The following OSBP2 variants were observed in gnomAD, a reference collection of about 807,000 sequenced individuals.
OSBP2 encodes the protein oxysterol binding protein 2, also known as oxysterol-binding protein 2.
A neutral mutation model predicts 96.0 loss-of-function variants in OSBP2; 66 were observed. That is an observed-to-expected ratio of 0.69 (90% CI 0.56 to 0.84). The LOEUF is 0.84. Among genes scored for constraint, OSBP2 ranks in the 40% least tolerant of loss-of-function variants. The pLI, the probability that OSBP2 is intolerant of heterozygous loss-of-function variation, is 0.00. For missense variants in OSBP2, 1,038 were observed against 1,222.7 expected, an observed-to-expected ratio of 0.85 and a Z score of 2.25; for synonymous variants, 525 against 520.9, an observed-to-expected ratio of 1.01 and a Z score of -0.11.
chr22:30,876,633 C>A (rs1380719251), intron 3 of OSBP2, among the ~76,000 whole-genome samples: 1 of 152,246 alleles, frequency 6.6e-6, no homozygotes, highest in Non-Finnish European at 1.5e-5. Flanking sequence ...TCCCCCAACA[C>A]CCATGCCCCA....
chr22:30,853,852 G>A (rs554188442), intron 2 of OSBP2, among the ~76,000 whole-genome samples: 4 of 150,884 alleles, frequency 2.7e-5, no homozygotes, highest in South Asian at 2.1e-4. Context: ...CTGCCTCCTC[G>A]GGGTTCAAGC....
At chr22:30,804,891 A>ATTCTGTC (rs2090906036) in intron 2 of OSBP2, among the ~76,000 whole-genome samples, 3 of 152,264 alleles carry the variant, frequency 2.0e-5, no homozygotes, top group African/African-American at 7.2e-5. Flanking sequence ...TGGCAGGGCA[A>ATTCTGTC]CTAAGCAGTA....
chr22:30,725,684 C>T lies in OSBP2; in HGVS notation c.645-15477C>T, dbSNP rs1052782103. Among the ~76,000 whole-genome samples, 25 of 152,048 alleles carry T rather than the reference C, an allele frequency of 1.6e-4. 4 individuals carry two copies. Among genetic ancestry groups the T allele is most frequent in the Admixed American group, 1.5e-3 (23 of 15,246 alleles). Reference sequence around the variant, plus strand: ...GTAAAATGGGGCTAATTTCCTCCAACAAGTACCTGACATATGGAATATACT... The same window carrying T: ...GTAAAATGGGGCTAATTTCCTCCAATAAGTACCTGACATATGGAATATACT... On this transcript the variant is annotated intron_variant, in intron 1 of 13. Transcript: ENST00000332585.
At chr22:30,778,157 G>A (rs929255140) in intron 2 of OSBP2, among the ~76,000 whole-genome samples, 1 of 103,638 alleles carries the variant, frequency 9.6e-6, no homozygotes, top group African/African-American at 3.8e-5. Context: ...AGCATGCCCG[G>A]CTAATTTTTG....
At chr22:30,749,571 G>A (rs1352709465) in intron 2 of OSBP2, among the ~76,000 whole-genome samples, 1 of 152,084 alleles carries the variant, frequency 6.6e-6, no homozygotes, top group Non-Finnish European at 1.5e-5. Context: ...TGAAGAGTGA[G>A]GGTGTGCAAA....
At chr22:30,779,017 CAGA>C (rs949362851) in intron 2 of OSBP2, among the ~76,000 whole-genome samples, 17 of 148,354 alleles carry the variant, frequency 1.1e-4, no homozygotes, top group Admixed American at 1.0e-3. Flanking sequence ...GCCTTGGCAA[CAGA>C]AGGAGACTCC....
intron 4 of OSBP2, among the ~76,000 whole-genome samples, 162 bp downstream of exon 4, chr22:30,887,780 C>CCAT (rs1484496992): frequency 1.3e-5 from 2 of 152,244 alleles, no homozygotes; most frequent in African/African-American, 2.4e-5. Context: ...TCTCCCATGT[C>CCAT]CATCACCCAC....
In OSBP2 at chr22:30,695,188, G is replaced by A. The variant is rs979949495; in HGVS notation, c.279G>A (p.Gly93=). The change falls in exon 1 of 14, where the codon GGG becomes GGA. Residue 93 remains glycine, a synonymous_variant. Transcript: ENST00000332585. ...AGACGACGTCTGAGCCGGAGCCAGG[G>A]GCTGGGCAGCCATCGGAACTGCTGC... ...VSETTSEPEP[G]AGQPSELLQG... is the part of the protein sequence containing the mutation. The A allele has an allele frequency of 6.8e-6, 11 of 1,612,498 alleles. No homozygotes were observed. The highest frequency in any genetic ancestry group is 1.3e-5 in the African/African-American group (1 of 74,946).
At chr22:30,826,476 A>G (rs1314982883) in intron 2 of OSBP2, among the ~76,000 whole-genome samples, 1 of 152,140 alleles carries the variant, frequency 6.6e-6, no homozygotes, top group Non-Finnish European at 1.5e-5. Flanking sequence ...TGCAGGCGCA[A>G]TGCCCATTCT....
At chr22:30,786,210 A>G (rs2090588338) in intron 2 of OSBP2, among the ~76,000 whole-genome samples, 1 of 152,094 alleles carries the variant, frequency 6.6e-6, no homozygotes, top group Middle Eastern at 3.2e-3. Context: ...TTCAGTAGAG[A>G]TGGAGTTTCA....
intron 1 of OSBP2, among the ~76,000 whole-genome samples, chr22:30,720,178 T>C (rs551277007): frequency 1.3e-5 from 2 of 152,342 alleles, no homozygotes; most frequent in Admixed American, 6.5e-5. Context: ...TACTGTGTAT[T>C]ATCTGTTGCC....
rs887083841 is a variant in OSBP2, at chr22:30,890,743, C to T, written c.1639C>T (p.Pro547Ser). Reference protein sequence around the residue: ...RIPMPVNFNEPLSMLQRLTED... With the variant: ...RIPMPVNFNESLSMLQRLTED... The stretch of plus-strand genomic sequence containing the variant: ...CCACCCACAGGTGAACTTCAATGAG[C>T]CCCTGTCCATGCTCCAGCGGCTGAC... Residue 547 changes from proline to serine, a missense_variant, in exon 8 of 14, where the codon CCC becomes TCC. By Grantham distance (74) the Pro-to-Ser change is moderately conservative. Transcript: ENST00000332585. The surrounding 1 kb of genome is among the most constrained non-coding windows in gnomAD (Gnocchi z 4.4). 1 of 1,612,718 alleles carries T rather than the reference C, an allele frequency of 6.2e-7. No individual in the cohort carries two copies. The highest frequency in any genetic ancestry group is 8.5e-7 in the Non-Finnish European group (1 of 1,179,986).
chr22:30,694,290 A>G, upstream of OSBP2: 2 of 1,549,736 alleles, frequency 1.3e-6, no homozygotes, highest in Non-Finnish European at 1.7e-6. Context: ...GGAGGCGGTG[A>G]GGCGGCCACT....
At chr22:30,902,776 G>C in intron 12 of OSBP2, 1 of 429,622 alleles carries the variant, frequency 2.3e-6, no homozygotes, top group Non-Finnish European at 4.6e-6. Flanking sequence ...CAAGGAGCAA[G>C]AATGAGCCTG....
At position 30,893,371 on chromosome 22, in the gene OSBP2, C is replaced by T. The variant is rs2039996185; in HGVS notation, c.1991-92C>T. 18 of 1,539,492 alleles carry T rather than the reference C, an allele frequency of 1.2e-5. No homozygotes were observed. In the South Asian group the frequency reaches 1.8e-4, roughly 15 times the overall value. On this transcript the variant is annotated intron_variant, in intron 9 of 13. Coordinates refer to ENST00000332585, the MANE Select transcript of OSBP2 (RefSeq NM_030758.4). Reference sequence around the variant, plus strand: ...CCTGTAGGCCTGCCTCTTCAACCCCCCAGCCTAGTTCTCAAGACACCAGGC... The same window carrying T: ...CCTGTAGGCCTGCCTCTTCAACCCCTCAGCCTAGTTCTCAAGACACCAGGC...
chr22:30,695,047 C>T lies in OSBP2; in HGVS notation c.138C>T (p.Ser46=), dbSNP rs1390799735. 3.8e-6 allele frequency: 6 copies of T among 1,589,790 alleles called. No individual in the cohort carries two copies. Among genetic ancestry groups the T allele is most frequent in the Non-Finnish European group, 2.6e-6 (3 of 1,169,924 alleles). ...GCATGAGCGCTTCCACGTCCGGCTC[C>T]GGGCCGGAGCCCAAGCCCCAGCCCC... The part of the protein sequence containing the change: ...APGMSASTSG[S]GPEPKPQPQP... The change falls in exon 1 of 14, where the codon TCC becomes TCT. Residue 46 remains serine, a synonymous_variant. Transcript: ENST00000332585.
chr22:30,880,160 A>G (rs947553272), intron 3 of OSBP2, among the ~76,000 whole-genome samples: 4 of 151,908 alleles, frequency 2.6e-5, no homozygotes, highest in African/African-American at 7.3e-5. Flanking sequence ...GGAGACCCTG[A>G]CTCTCTGCGA....
At chr22:30,786,018 TTGTGTG>T (rs59686538) in intron 2 of OSBP2, among the ~76,000 whole-genome samples, 28 of 149,106 alleles carry the variant, frequency 1.9e-4, no homozygotes, top group Non-Finnish European at 3.7e-4. Flanking sequence ...CTAATACAGT[TTGTGTG>T]TGTGTGTGTG....
At chr22:30,704,288 G>A (rs1199539939) in intron 1 of OSBP2, among the ~76,000 whole-genome samples, 1 of 152,206 alleles carries the variant, frequency 6.6e-6, no homozygotes, top group Non-Finnish European at 1.5e-5. Context: ...AAGAAACAGA[G>A]TGAAGTCTGG....
Sources: allele counts gnomAD v4.1 joint callset (sites outside exome capture counted in the v4.1 genomes callset), GRCh38; gene constraint gnomAD v4.1.1; non-coding constraint Gnocchi (gnomAD v3.1); transcripts MANE v1.5; gene names NCBI Gene and HGNC (gene_info 2026-07-23, HGNC 2026-07-21).